Variants in ELAPOR1 observed in about 807,000 individuals in gnomAD.
The protein encoded by ELAPOR1 is endosome-lysosome associated apoptosis and autophagy regulator 1.
ELAPOR1 carries 77 observed loss-of-function variants against 119.7 expected under a neutral mutation model. The ratio of observed to expected loss-of-function variants is 0.64; its 90% CI spans 0.54 to 0.78. ELAPOR1 has a LOEUF of 0.78. Ranked by LOEUF, ELAPOR1 falls within the 30% of genes least tolerant of loss-of-function variation. The pLI is 0.00. For synonymous variants in ELAPOR1, 481 were observed against 487.2 expected (o/e 0.99, Z 0.17); for missense variants, 1,115 against 1,270.4 (o/e 0.88, Z 1.86).
In ELAPOR1 at chr1:109,205,022, G is replaced by A. The variant is rs1654407188; in HGVS notation, c.*2010G>A. The stretch of plus-strand genomic sequence containing the variant: ...TAAAGAGACTTCTGGTCCAATTTCT[G>A]GCAACATCCCTTCTGAAAGGTGAGT... On this transcript the variant is annotated 3_prime_UTR_variant, in exon 22 of 22. Transcript: ENST00000369939. 1 of 152,088 alleles carries A rather than the reference G, an allele frequency of 6.6e-6. No homozygotes were observed. Among genetic ancestry groups the A allele is most frequent in the African/African-American group, 2.4e-5 (1 of 41,398 alleles). The allele number at this position is 152,088 out of a possible 1,614,324, so 9.4% of individuals were successfully genotyped here.
At chr1:109,189,291 ATAAG>A in intron 10 of ELAPOR1, 97 bp downstream of exon 10, 1 of 1,440,910 alleles carries the variant, frequency 6.9e-7, no homozygotes, top group East Asian at 2.5e-5. Context: ...TCTGAGAAAA[ATAAG>A]CTAACCATGT....
chr1:109,187,604 C>T (rs1653134380), intron 8 of ELAPOR1: 5 of 1,002,314 alleles, frequency 5.0e-6, no homozygotes, highest in Non-Finnish European at 6.0e-6. Flanking sequence ...GCCGGGGTCT[C>T]CTGCGGGTCA....
intron 15 of ELAPOR1, among the ~76,000 whole-genome samples, chr1:109,195,426 G>A (rs1473705005): frequency 1.3e-5 from 2 of 151,998 alleles, no homozygotes; most frequent in Non-Finnish European, 2.9e-5. Flanking sequence ...CCTGGCAGGC[G>A]GAGCTTGCAG....
intron 7 of ELAPOR1, 44 bp from the exon 8 acceptor site, chr1:109,185,001 T>G: frequency 6.6e-7 from 1 of 1,509,580 alleles, no homozygotes; most frequent in Non-Finnish European, 9.2e-7. Flanking sequence ...GAGCTCAGCT[T>G]TCTTATGTAA....
chr1:109,134,148 GGC>G (rs1649316824), intron 1 of ELAPOR1, among the ~76,000 whole-genome samples: 2 of 152,154 alleles, frequency 1.3e-5, no homozygotes, highest in Non-Finnish European at 2.9e-5. Context: ...AGTGAACTTA[GGC>G]AAATGGCTTG....
intron 18 of ELAPOR1, 53 bp downstream of exon 18, chr1:109,198,727 C>A (rs1054699101): frequency 6.2e-6 from 9 of 1,458,732 alleles, no homozygotes; most frequent in African/African-American, 1.4e-5. Context: ...TGAAGTCATT[C>A]CATCCTGAGA....
chr1:109,165,745 C>CT (rs1435834392), intron 3 of ELAPOR1, among the ~76,000 whole-genome samples: 1 of 117,282 alleles, frequency 8.5e-6, no homozygotes, highest in Non-Finnish European at 1.7e-5. Flanking sequence ...TCTTCTTCTT[C>CT]TTCTTTTTTT....
At chr1:109,198,781 A>G in intron 18 of ELAPOR1, 107 bp downstream of exon 18, 1 of 971,350 alleles carries the variant, frequency 1.0e-6, no homozygotes, top group Non-Finnish European at 1.6e-6. Flanking sequence ...AGAGTTTGAG[A>G]TCCATTAATG....
chr1:109,152,746 C>G (rs940484868), intron 1 of ELAPOR1, among the ~76,000 whole-genome samples: 1 of 151,810 alleles, frequency 6.6e-6, no homozygotes, highest in East Asian at 1.9e-4. Context: ...GAGTTCAAGA[C>G]CAGCCTGGGC....
intron 1 of ELAPOR1, among the ~76,000 whole-genome samples, chr1:109,124,038 G>A (rs1648618504): frequency 6.6e-6 from 1 of 152,104 alleles, no homozygotes; most frequent in Non-Finnish European, 1.5e-5. Flanking sequence ...CCTGACCTCA[G>A]GTGATCTACC....
intron 1 of ELAPOR1, among the ~76,000 whole-genome samples, chr1:109,157,467 G>T (rs1350694367): frequency 6.6e-6 from 1 of 152,036 alleles, no homozygotes; most frequent in Non-Finnish European, 1.5e-5. Flanking sequence ...TCCCTCTCTG[G>T]GCAGATGCAA....
At chr1:109,149,138 G>A (rs991552526) in intron 1 of ELAPOR1, among the ~76,000 whole-genome samples, 1 of 152,154 alleles carries the variant, frequency 6.6e-6, no homozygotes, top group Non-Finnish European at 1.5e-5. Flanking sequence ...TTAGAGAAGA[G>A]GGCGCGTCGG....
chr1:109,118,127 CA>C (rs112431191), intron 1 of ELAPOR1, among the ~76,000 whole-genome samples: 599 of 136,960 alleles, frequency 4.4e-3, no homozygotes, highest in Non-Finnish European at 6.0e-3. Flanking sequence ...AACTCCGTCT[CA>C]AAAAAAAAAA....
chr1:109,158,422 C>T (rs752148194), intron 1 of ELAPOR1, among the ~76,000 whole-genome samples: 4 of 151,592 alleles, frequency 2.6e-5, no homozygotes, highest in Non-Finnish European at 5.9e-5. Flanking sequence ...TCAGTGTTAC[C>T]GACAGATCAG....
Position 109,136,119 on chromosome 1 carries a change from T to C in ELAPOR1, c.153+21783T>C, listed in dbSNP as rs78931531. ...GGTACAGGTACTGTTTTGAGTTCAATTGTGTCCTTCAAAAGTTCATATGTA... is the reference window on the plus strand; with the variant it reads ...GGTACAGGTACTGTTTTGAGTTCAACTGTGTCCTTCAAAAGTTCATATGTA... On this transcript the variant is annotated intron_variant, in intron 1 of 21. Coordinates refer to ENST00000369939, the MANE Select transcript of ELAPOR1 (RefSeq NM_020775.5). 7.8e-3 allele frequency among the ~76,000 whole-genome samples: 1,186 copies of C among 152,298 alleles called. 45 individuals are homozygous for C. The East Asian group carries it at 0.096, about 12-fold the overall frequency.
chr1:109,178,257 C>T (rs1652474849), intron 7 of ELAPOR1, among the ~76,000 whole-genome samples: 3 of 152,098 alleles, frequency 2.0e-5, no homozygotes, highest in African/African-American at 4.8e-5. Flanking sequence ...TTGATCCACC[C>T]GCCTTGGCCT....
At chr1:109,200,983 C>G in intron 21 of ELAPOR1, 83 bp downstream of exon 21, 2 of 1,375,724 alleles carry the variant, frequency 1.5e-6, no homozygotes, top group South Asian at 1.4e-5. Flanking sequence ...GGTCCTGTAC[C>G]GTTCAGGGAT....
intron 1 of ELAPOR1, among the ~76,000 whole-genome samples, chr1:109,129,833 T>C (rs1649037097): frequency 6.6e-6 from 1 of 152,256 alleles, no homozygotes; most frequent in Non-Finnish European, 1.5e-5. Flanking sequence ...GCACTAGTTA[T>C]ATTAGTTACC....
chr1:109,149,776 G>A (rs1261473009), intron 1 of ELAPOR1, among the ~76,000 whole-genome samples: 1 of 152,204 alleles, frequency 6.6e-6, no homozygotes, highest in African/African-American at 2.4e-5. Context: ...GTGTTTGAAG[G>A]TGGTAAGTGC....
Sources: allele counts gnomAD v4.1 joint callset (sites outside exome capture counted in the v4.1 genomes callset), GRCh38; gene constraint gnomAD v4.1.1; transcripts MANE v1.5; gene names NCBI Gene and HGNC (gene_info 2026-07-23, HGNC 2026-07-21).